RGS17: variants seen among roughly 807,000 people sequenced by gnomAD.
RGS17 encodes the protein regulator of G-protein signaling 17.
A neutral mutation model predicts 25.5 loss-of-function variants in RGS17; 12 were observed. The ratio of observed to expected loss-of-function variants is 0.47; its 90% CI spans 0.30 to 0.76. RGS17 has a LOEUF of 0.76. Ranked by LOEUF, RGS17 falls within the 30% of genes least tolerant of loss-of-function variation. The pLI is 0.07. For synonymous variants in RGS17, 71 were observed against 76.9 expected, an observed-to-expected ratio of 0.92 and a Z score of 0.40; for missense variants, 196 against 242.2, an observed-to-expected ratio of 0.81 and a Z score of 1.27.
intron 2 of RGS17, among the ~76,000 whole-genome samples, chr6:153,026,903 T>C (rs1779309094): frequency 6.6e-6 from 1 of 152,184 alleles, no homozygotes; most frequent in Non-Finnish European, 1.5e-5. Context: ...CCTTACTCTT[T>C]AAACAAAATG....
intron 1 of RGS17, among the ~76,000 whole-genome samples, chr6:153,060,711 C>T (rs1776622974): frequency 6.7e-6 from 1 of 150,196 alleles, no homozygotes; most frequent in African/African-American, 2.4e-5. Context: ...TAAGGTTTAT[C>T]GCACTTTTTT....
intron 4 of RGS17, among the ~76,000 whole-genome samples, chr6:153,020,133 T>TGG (rs1779230851): frequency 1.4e-5 from 1 of 71,990 alleles, no homozygotes; most frequent in African/African-American, 5.3e-5. Flanking sequence ...TATATATATA[T>TGG]ATATATTTTT....
chr6:153,057,539 G>A (rs1776577782), intron 1 of RGS17, among the ~76,000 whole-genome samples: 1 of 152,140 alleles, frequency 6.6e-6, no homozygotes, highest in African/African-American at 2.4e-5. Context: ...TACTCCAGCG[G>A]TCCCCAACTT....
In RGS17 at chr6:153,009,107, T is replaced by A. The variant is rs1372322579; in HGVS notation, c.*2467A>T. On this transcript the variant is annotated 3_prime_UTR_variant, in exon 5 of 5. Coordinates refer to ENST00000206262, the MANE Select transcript of RGS17 (RefSeq NM_012419.5). Reference sequence around the variant, plus strand: ...AAATGCCCAGGTTAGAGATTAGGACTCTTTATAACGGCCCTTATCTTTTAC... The same window carrying A: ...AAATGCCCAGGTTAGAGATTAGGACACTTTATAACGGCCCTTATCTTTTAC... 1.3e-5 allele frequency: 2 copies of A among 152,200 alleles called. No individual in the cohort carries two copies. The highest frequency in any genetic ancestry group is 4.8e-5 in the African/African-American group (2 of 41,460). The allele number at this position is 152,200 out of a possible 1,614,324, so 9.4% of individuals were successfully genotyped here. A position where few individuals can be genotyped will look rare whatever the true frequency, so the allele number is the denominator to read the frequency against.
At chr6:153,113,940 G>A (rs556148982) in intron 1 of RGS17, among the ~76,000 whole-genome samples, 100 of 152,056 alleles carry the variant, frequency 6.6e-4, no homozygotes, top group Non-Finnish European at 1.3e-3. Context: ...GTGTTTAGAG[G>A]GAAATTTATA....
At chr6:153,125,904 G>T (rs1192592537) in intron 1 of RGS17, among the ~76,000 whole-genome samples, 1 of 152,136 alleles carries the variant, frequency 6.6e-6, no homozygotes, top group Non-Finnish European at 1.5e-5. Context: ...GGACTTTATA[G>T]ATTTTCCAAG....
intron 1 of RGS17, among the ~76,000 whole-genome samples, chr6:153,051,793 A>G (rs891348304): frequency 6.6e-6 from 1 of 152,212 alleles, no homozygotes; most frequent in East Asian, 1.9e-4. Flanking sequence ...ATTGCACAAA[A>G]TGAGAAAGCA....
intron 1 of RGS17, among the ~76,000 whole-genome samples, chr6:153,067,647 A>T (rs182146107): frequency 6.6e-6 from 1 of 152,306 alleles, no homozygotes; most frequent in East Asian, 1.9e-4. Flanking sequence ...ACACTGATGA[A>T]ATAAATTGAA....
chr6:153,049,446 T>A (rs906915461), intron 1 of RGS17, among the ~76,000 whole-genome samples: 1 of 152,160 alleles, frequency 6.6e-6, no homozygotes, highest in Admixed American at 6.5e-5. Context: ...ATCTTAATTG[T>A]CCTAAATTAT....
intron 1 of RGS17, among the ~76,000 whole-genome samples, chr6:153,101,775 T>C (rs947718946): frequency 3.4e-5 from 4 of 116,630 alleles, no homozygotes; most frequent in African/African-American, 1.4e-4. Context: ...TGAAAGTATG[T>C]GGTACTTCCC....
At chr6:153,080,731 T>A (rs2129119150) in intron 1 of RGS17, among the ~76,000 whole-genome samples, 1 of 152,254 alleles carries the variant, frequency 6.6e-6, no homozygotes, top group African/African-American at 2.4e-5. Flanking sequence ...AAGCATTGAA[T>A]GCTGTAAAAA....
intron 1 of RGS17, among the ~76,000 whole-genome samples, chr6:153,111,319 C>T (rs756006601): frequency 3.3e-5 from 5 of 152,180 alleles, no homozygotes; most frequent in African/African-American, 7.2e-5. Flanking sequence ...TAAACAAAGC[C>T]GCCAGGAAGT....
At chr6:153,049,578 C>T (rs1228542558) in intron 1 of RGS17, among the ~76,000 whole-genome samples, 3 of 151,898 alleles carry the variant, frequency 2.0e-5, no homozygotes, top group Non-Finnish European at 4.4e-5. Flanking sequence ...GGTGAAACCC[C>T]GTCTCTACTA....
chr6:153,119,819 G>A (rs923649573), intron 1 of RGS17, among the ~76,000 whole-genome samples: 3 of 152,156 alleles, frequency 2.0e-5, no homozygotes, highest in South Asian at 4.1e-4. Flanking sequence ...ATGTGTTCCA[G>A]GGGCACTGCA....
chr6:153,054,025 A>T (rs566474859), intron 1 of RGS17, among the ~76,000 whole-genome samples: 148 of 56,804 alleles, frequency 2.6e-3, no homozygotes, highest in South Asian at 0.012. Flanking sequence ...TATGTATATA[A>T]TATATATACA....
At chr6:153,029,558 G>C (rs2129107642) in intron 2 of RGS17, among the ~76,000 whole-genome samples, 1 of 151,974 alleles carries the variant, frequency 6.6e-6, no homozygotes, top group East Asian at 1.9e-4. Context: ...ACAGTTTTGA[G>C]GGTCCCATAG....
At chr6:153,091,562 T>C (rs1480273480) in intron 1 of RGS17, among the ~76,000 whole-genome samples, 1 of 151,712 alleles carries the variant, frequency 6.6e-6, no homozygotes, top group Non-Finnish European at 1.5e-5. Flanking sequence ...TCACACAGGA[T>C]TGCACACAGG....
chr6:153,075,837 T>C (rs1776869688), intron 1 of RGS17, among the ~76,000 whole-genome samples: 1 of 152,250 alleles, frequency 6.6e-6, no homozygotes, highest in South Asian at 2.1e-4. Context: ...TTTGTGTGTG[T>C]ATACACATAC....
chr6:153,079,370 G>T (rs573001178), intron 1 of RGS17, among the ~76,000 whole-genome samples: 3 of 152,260 alleles, frequency 2.0e-5, no homozygotes, highest in African/African-American at 7.2e-5. Flanking sequence ...GAGCCGCAGC[G>T]CCTGGCCAAC....
Sources: allele counts gnomAD v4.1 joint callset (sites outside exome capture counted in the v4.1 genomes callset), GRCh38; gene constraint gnomAD v4.1.1; transcripts MANE v1.5; gene names NCBI Gene and HGNC (gene_info 2026-07-23, HGNC 2026-07-21).